Variants in SLCO3A1 observed in about 807,000 individuals in gnomAD.
SLCO3A1 encodes solute carrier organic anion transporter family member 3A1, also known as PGE1 transporter.
SLCO3A1 carries 27 observed loss-of-function variants against 63.1 expected under a neutral mutation model. That is an observed-to-expected ratio of 0.43 (90% confidence interval 0.32 to 0.59). The LOEUF (loss-of-function observed/expected upper bound fraction) is 0.59, where lower values mean the gene tolerates loss of function less well. SLCO3A1 is among the 20% of genes least tolerant of loss of function. The pLI is 0.09. For synonymous variants in SLCO3A1, 473 were observed against 409.9 expected, an observed-to-expected ratio of 1.15 and a Z score of -1.86; for missense variants, 773 against 945.8, an observed-to-expected ratio of 0.82 and a Z score of 2.40.
In SLCO3A1 at chr15:91,872,329, G is replaced by A. The variant is rs1337665933; in HGVS notation, c.180+18241G>A. ...GGGCAGATCACGAGGTCAGGAGTTC[G>A]AGACCAGCCTGGCCAACGTGGTGAA... On this transcript the variant is annotated intron_variant, in intron 1 of 9. Coordinates refer to ENST00000318445, the MANE Select transcript of SLCO3A1 (RefSeq NM_013272.4). This position sits in a 1 kb window ranked among gnomAD's most constrained non-coding sequence, Gnocchi z 4.1. 2.0e-5 allele frequency among the ~76,000 whole-genome samples: 3 copies of A among 152,090 alleles called. No homozygotes were observed. Among genetic ancestry groups the A allele is most frequent in the Admixed American group, 6.6e-5 (1 of 15,266 alleles).
chr15:91,928,476 A>G (rs1899111399), intron 2 of SLCO3A1, among the ~76,000 whole-genome samples: 1 of 152,166 alleles, frequency 6.6e-6, no homozygotes, highest in Admixed American at 6.5e-5. Context: ...CAAGGGCCTT[A>G]TCTTTCCCAT....
At chr15:91,890,429 C>G (rs1897842304) in intron 1 of SLCO3A1, among the ~76,000 whole-genome samples, 1 of 152,152 alleles carries the variant, frequency 6.6e-6, no homozygotes, top group African/African-American at 2.4e-5. Flanking sequence ...CTGAACCTCT[C>G]TCTTACAGAG....
rs1455284117 is a variant in SLCO3A1, at chr15:91,966,770, G to A, written c.646+50312G>A. Among the ~76,000 whole-genome samples, 8 of 152,208 alleles carry A rather than the reference G, an allele frequency of 5.3e-5. 1 individual carries two copies. Among genetic ancestry groups the A allele is most frequent in the Admixed American group, 5.2e-4 (8 of 15,286 alleles). The stretch of plus-strand genomic sequence containing the variant: ...GGAAGGAATTCATGCCTGGGCTTTG[G>A]TGATGCTTCTCAAACAGAGCATCTG... On this transcript the variant is annotated intron_variant, in intron 2 of 9. Transcript: ENST00000318445.
intron 2 of SLCO3A1, among the ~76,000 whole-genome samples, chr15:92,036,210 G>C (rs1004071897): frequency 4.6e-5 from 7 of 152,170 alleles, no homozygotes; most frequent in African/African-American, 1.7e-4. Flanking sequence ...CTTGCCTGGA[G>C]CACATTCTTT....
chr15:92,076,056 CAG>C (rs1325898087), intron 2 of SLCO3A1, among the ~76,000 whole-genome samples: 1 of 152,168 alleles, frequency 6.6e-6, no homozygotes, highest in East Asian at 1.9e-4. Flanking sequence ...CACATAAATC[CAG>C]AGTTTAATAA....
intron 2 of SLCO3A1, among the ~76,000 whole-genome samples, chr15:91,986,555 A>G (rs986452064): frequency 1.2e-4 from 19 of 152,228 alleles, no homozygotes; most frequent in Admixed American, 6.5e-5. Flanking sequence ...TAAGTGATCA[A>G]TGTGAACATT....
chr15:92,002,844 T>C (rs1386863145), intron 2 of SLCO3A1, among the ~76,000 whole-genome samples: 1 of 152,196 alleles, frequency 6.6e-6, no homozygotes, highest in Non-Finnish European at 1.5e-5. Flanking sequence ...GCTGATAATA[T>C]TACATGCACT....
At chr15:92,075,078 T>C (rs2047261723) in intron 2 of SLCO3A1, among the ~76,000 whole-genome samples, 1 of 152,148 alleles carries the variant, frequency 6.6e-6, no homozygotes, top group African/African-American at 2.4e-5. Flanking sequence ...CTGAATACCC[T>C]TGGTGGTGAG....
At chr15:92,011,005 AAC>A (rs2046362952) in intron 2 of SLCO3A1, among the ~76,000 whole-genome samples, 1 of 152,220 alleles carries the variant, frequency 6.6e-6, no homozygotes. Context: ...ATCCTGCTAA[AAC>A]CCAAGTCAGA....
chr15:91,921,908 T>C (rs1437492221), intron 2 of SLCO3A1, among the ~76,000 whole-genome samples: 1 of 151,850 alleles, frequency 6.6e-6, no homozygotes. Flanking sequence ...TTTTTTTTTG[T>C]ATTTTTAGTA....
chr15:92,128,312 C>A, intron 6 of SLCO3A1, 39 bp from the exon 7 acceptor site: 2 of 1,613,010 alleles, frequency 1.2e-6, no homozygotes, highest in African/African-American at 1.3e-5. Flanking sequence ...TCCGAATTGA[C>A]CTGTTTCTAA....
chr15:92,082,256 T>C (rs2047355990), intron 2 of SLCO3A1, among the ~76,000 whole-genome samples: 2 of 152,208 alleles, frequency 1.3e-5, no homozygotes, highest in Admixed American at 6.5e-5. Context: ...TGATGCAGAA[T>C]GCTCCCTCTG....
chr15:92,053,985 A>G (rs1368616161), intron 2 of SLCO3A1, among the ~76,000 whole-genome samples: 1 of 151,982 alleles, frequency 6.6e-6, no homozygotes, highest in African/African-American at 2.4e-5. Flanking sequence ...TACATAAATT[A>G]TTTGGAATTC....
chr15:91,919,912 C>G (rs1335573968), intron 2 of SLCO3A1, among the ~76,000 whole-genome samples: 1 of 152,116 alleles, frequency 6.6e-6, no homozygotes, highest in African/African-American at 2.4e-5. Flanking sequence ...ATGGTGTACA[C>G]AATTCTATTC....
intron 2 of SLCO3A1, among the ~76,000 whole-genome samples, chr15:91,935,819 GT>G (rs144229201): frequency 1.3e-5 from 2 of 150,848 alleles, no homozygotes; most frequent in South Asian, 2.1e-4. Flanking sequence ...TCTTGGAGTT[GT>G]TTTTTTTTCT....
Position 91,854,233 on chromosome 15 carries a change from G to T in SLCO3A1, c.180+145G>T, listed in dbSNP as rs1474518830. On this transcript the variant is annotated intron_variant, in intron 1 of 9. Transcript: ENST00000318445. This position sits in a 1 kb window ranked among gnomAD's most constrained non-coding sequence, Gnocchi z 6.4. Reference sequence around the variant, plus strand: ...CGTGGAGGTTGGCGAGTGGTGCAGAGGCGGCCGCCGGGGGAGCTGCCGGCC... The same window carrying T: ...CGTGGAGGTTGGCGAGTGGTGCAGATGCGGCCGCCGGGGGAGCTGCCGGCC... 9.1e-7 allele frequency: 1 copy of T among 1,104,818 alleles called. No individual in the cohort carries two copies. The highest frequency in any genetic ancestry group is 1.1e-6 in the Non-Finnish European group (1 of 876,176). 68.4% of individuals were successfully genotyped at this position (1,104,818 alleles called of 1,614,324 possible).
chr15:92,058,166 A>AGT (rs71942012), intron 2 of SLCO3A1, among the ~76,000 whole-genome samples: 51 of 150,950 alleles, frequency 3.4e-4, no homozygotes, highest in African/African-American at 7.3e-4. Context: ...AGAGTGTGTG[A>AGT]GTGTGTGTGT....
chr15:91,973,108 C>T lies in SLCO3A1; in HGVS notation c.646+56650C>T, dbSNP rs139121869. ...CCAGTCTGGCAACAGAGCAAGACTC[C>T]GTCTCAAAAAGAAAAGAAAAGGGCA... On this transcript the variant is annotated intron_variant, in intron 2 of 9. Coordinates refer to ENST00000318445, the MANE Select transcript of SLCO3A1 (RefSeq NM_013272.4). Among the ~76,000 whole-genome samples the T allele has an allele frequency of 6.1e-3, 931 of 152,286 alleles. 5 individuals carry two copies. The highest frequency in any genetic ancestry group is 0.014 in the Middle Eastern group (4 of 294).
chr15:92,063,875 T>G (rs2047116753), intron 2 of SLCO3A1, among the ~76,000 whole-genome samples: 1 of 152,070 alleles, frequency 6.6e-6, no homozygotes, highest in South Asian at 2.1e-4. Context: ...AAAAAAATCA[T>G]GAAGCCAGGC....
Sources: allele counts gnomAD v4.1 joint callset (sites outside exome capture counted in the v4.1 genomes callset), GRCh38; gene constraint gnomAD v4.1.1; non-coding constraint Gnocchi (gnomAD v3.1); transcripts MANE v1.5; gene names NCBI Gene and HGNC (gene_info 2026-07-23, HGNC 2026-07-21).